The following GPHN variants were observed in gnomAD, a reference collection of about 807,000 sequenced individuals.
The protein encoded by GPHN is gephyrin.
A neutral mutation model predicts 95.5 loss-of-function variants in GPHN; 17 were observed. That is an observed-to-expected ratio of 0.18 (90% confidence interval 0.12 to 0.27). GPHN has a LOEUF of 0.27. GPHN is among the 10% of genes least tolerant of loss of function. The pLI is 1.00. For synonymous variants in GPHN, 320 were observed against 322.5 expected (o/e 0.99, Z 0.08); for missense variants, 660 against 978.1 (o/e 0.67, Z 4.34).
At chr14:67,141,656 C>G (rs1436797498) in intron 17 of GPHN, among the ~76,000 whole-genome samples, 1 of 152,118 alleles carries the variant, frequency 6.6e-6, no homozygotes, top group Non-Finnish European at 1.5e-5. Flanking sequence ...GCTAGGATTT[C>G]CACTCAGGCA....
chr14:67,158,184 G>T (rs899036892), intron 18 of GPHN, among the ~76,000 whole-genome samples: 2 of 151,176 alleles, frequency 1.3e-5, no homozygotes, highest in African/African-American at 4.9e-5. Context: ...GTGCATGCCT[G>T]TAATCCCAGC....
chr14:66,797,832 C>G (rs1414621809), intron 3 of GPHN, among the ~76,000 whole-genome samples: 1 of 151,716 alleles, frequency 6.6e-6, no homozygotes, highest in Non-Finnish European at 1.5e-5. Flanking sequence ...TCTTGTCTGA[C>G]TGGTCTATCT....
At chr14:67,674,764 G>C in the GPHN span, 1 of 320,772 alleles carries the variant, frequency 3.1e-6, no homozygotes, top group African/African-American at 2.1e-5. Flanking sequence ...TGCCGCGCCG[G>C]GGCGATCGGC....
chr14:66,892,889 G>A (rs2064600527), intron 5 of GPHN, among the ~76,000 whole-genome samples: 1 of 152,128 alleles, frequency 6.6e-6, no homozygotes, highest in South Asian at 2.1e-4. Context: ...GAATGGTAAA[G>A]GTTATGTTAT....
chr14:67,726,235 G>A, the GPHN span: 1 of 888,380 alleles, frequency 1.1e-6, no homozygotes, highest in Non-Finnish European at 1.9e-6. Flanking sequence ...TAAATGTGGA[G>A]AATGTCCAGG....
At chr14:67,040,918 G>A (rs955580026) in intron 10 of GPHN, among the ~76,000 whole-genome samples, 7 of 152,170 alleles carry the variant, frequency 4.6e-5, no homozygotes, top group African/African-American at 1.7e-4. Context: ...TAGTTAATGA[G>A]TACAGTTAAT....
At chr14:67,399,756 G>GTGGTT in the GPHN span, among the ~76,000 whole-genome samples, 8 of 152,236 alleles carry the variant, frequency 5.3e-5, 2 homozygotes, top group African/African-American at 1.9e-4. Flanking sequence ...AAAGAGAAGG[G>GTGGTT]TAGTTTAGGT....
At chr14:66,912,166 G>C (rs2065704030) in intron 5 of GPHN, among the ~76,000 whole-genome samples, 1 of 151,932 alleles carries the variant, frequency 6.6e-6, no homozygotes, top group Admixed American at 6.6e-5. Context: ...GCTGCTTTTT[G>C]CATCAGCTTC....
At chr14:66,928,602 G>C (rs1475419841) in intron 8 of GPHN, among the ~76,000 whole-genome samples, 4 of 151,970 alleles carry the variant, frequency 2.6e-5, no homozygotes, top group Non-Finnish European at 5.9e-5. Context: ...TCTTTATCAT[G>C]TGTCATTAGG....
intron 9 of GPHN, among the ~76,000 whole-genome samples, chr14:66,996,940 GT>G (rs1204201621): frequency 6.6e-6 from 1 of 151,964 alleles, no homozygotes; most frequent in Non-Finnish European, 1.5e-5. Context: ...GAGTTTTCTT[GT>G]TTTCAAAAAG....
intron 4 of GPHN, among the ~76,000 whole-genome samples, chr14:66,858,760 C>T (rs2062902506): frequency 1.3e-5 from 2 of 152,088 alleles, no homozygotes; most frequent in African/African-American, 4.8e-5. Flanking sequence ...CCCTGGGCCA[C>T]AGGGGAGTCC....
chr14:66,641,759 T>G (rs2064425857), intron 1 of GPHN, among the ~76,000 whole-genome samples: 1 of 152,110 alleles, frequency 6.6e-6, no homozygotes, highest in Non-Finnish European at 1.5e-5. Context: ...AGAGTACACA[T>G]TCTTTTGAAG....
the GPHN span, among the ~76,000 whole-genome samples, chr14:67,421,991 T>G: frequency 6.6e-6 from 1 of 152,178 alleles, no homozygotes; most frequent in African/African-American, 2.4e-5. Context: ...TCATGAATGT[T>G]GCAATGTTTT....
chr14:66,700,409 AG>A (rs1028942633), intron 2 of GPHN, among the ~76,000 whole-genome samples: 1 of 152,224 alleles, frequency 6.6e-6, no homozygotes, highest in Non-Finnish European at 1.5e-5. Flanking sequence ...TTAGATTTAG[AG>A]GGAAAACCTA....
chr14:66,605,937 C>A (rs2062512595), intron 1 of GPHN, among the ~76,000 whole-genome samples: 1 of 152,094 alleles, frequency 6.6e-6, no homozygotes. Flanking sequence ...TATTTTCTCC[C>A]ATTCTCTAGG....
chr14:67,122,462 G>A, intron 17 of GPHN, 85 bp downstream of exon 17: 2 of 1,178,684 alleles, frequency 1.7e-6, no homozygotes, highest in Admixed American at 3.7e-5. Flanking sequence ...TGCTGCTAAA[G>A]AGACAGAAAT....
At chr14:66,779,084 T>A (rs1427414125) in intron 3 of GPHN, among the ~76,000 whole-genome samples, 7 of 152,152 alleles carry the variant, frequency 4.6e-5, no homozygotes, top group Admixed American at 4.6e-4. Flanking sequence ...TGTAATTTGT[T>A]TGCATTATTT....
chr14:66,528,487 G>C (rs2139905435), intron 1 of GPHN, among the ~76,000 whole-genome samples: 1 of 152,278 alleles, frequency 6.6e-6, no homozygotes, highest in South Asian at 2.1e-4. Flanking sequence ...TGTTATGTGT[G>C]AATCTGATCC....
chr14:67,230,972 A>T, the GPHN span, among the ~76,000 whole-genome samples: 1 of 152,186 alleles, frequency 6.6e-6, no homozygotes, highest in Non-Finnish European at 1.5e-5. Context: ...CCTTGCAGCT[A>T]TCCAGGCTGT....
Sources: allele counts gnomAD v4.1 joint callset (sites outside exome capture counted in the v4.1 genomes callset), GRCh38; gene constraint gnomAD v4.1.1; transcripts MANE v1.5; gene names NCBI Gene and HGNC (gene_info 2026-07-23, HGNC 2026-07-21).